The following IL20RB variants were observed in gnomAD, a reference collection of about 807,000 sequenced individuals.
IL20RB encodes the protein interleukin 20 receptor subunit beta.
In IL20RB, 21 loss-of-function variants were observed where a neutral mutation model predicts 33.3. That is an observed-to-expected ratio of 0.63 (90% CI 0.45 to 0.91). The LOEUF (loss-of-function observed/expected upper bound fraction) is 0.91, where lower values mean the gene tolerates loss of function less well. IL20RB is among the 40% of genes least tolerant of loss of function. The pLI is 0.00. For synonymous variants in IL20RB, 147 were observed against 146.8 expected (o/e 1.00, Z -0.01); for missense variants, 345 against 384.8 (o/e 0.90, Z 0.86).
intron 1 of IL20RB, among the ~76,000 whole-genome samples, chr3:136,972,830 T>A (rs1941522184): frequency 1.3e-5 from 2 of 152,078 alleles, no homozygotes. Flanking sequence ...TTTTTTCTCC[T>A]AATTTTGGGT....
rs1027803817 is a variant in IL20RB, at chr3:136,991,821, G to A, written c.532-117G>A. 17 of 951,190 alleles carry A rather than the reference G, an allele frequency of 1.8e-5. No homozygotes were observed. In the African/African-American group the frequency reaches 2.6e-4, roughly 15 times the overall value. 58.9% of individuals were successfully genotyped at this position (951,190 alleles called of 1,614,324 possible). On this transcript the variant is annotated intron_variant, in intron 4 of 6. Coordinates refer to ENST00000329582, the MANE Select transcript of IL20RB (RefSeq NM_144717.4). The stretch of plus-strand genomic sequence containing the variant: ...TGGGGTGTTTCACCATGTTGGTCAG[G>A]CTGGTCTTGAACTCCTGACCTCAGG...
intron 6 of IL20RB, among the ~76,000 whole-genome samples, chr3:137,006,482 T>C (rs938779557): frequency 1.3e-5 from 2 of 152,170 alleles, no homozygotes; most frequent in Admixed American, 1.3e-4. Flanking sequence ...AACTCTTTTT[T>C]CTCTAACCTT....
intron 4 of IL20RB, 115 bp downstream of exon 4, chr3:136,989,680 C>A: frequency 1.7e-6 from 2 of 1,183,138 alleles, no homozygotes; most frequent in Non-Finnish European, 2.4e-6. Context: ...ATGAGCAGTC[C>A]TGGGTGAAGT....
intron 6 of IL20RB, 74 bp from the exon 7 acceptor site, chr3:137,010,039 A>C (rs1933045287): frequency 2.6e-6 from 2 of 759,514 alleles, no homozygotes; most frequent in Non-Finnish European, 4.5e-6. Flanking sequence ...CAAATAGTTA[A>C]AAATGTAATA....
intron 6 of IL20RB, among the ~76,000 whole-genome samples, chr3:137,005,916 C>T (rs1406650763): frequency 1.3e-5 from 2 of 152,306 alleles, no homozygotes; most frequent in East Asian, 3.9e-4. Context: ...TTGTTCATCT[C>T]CATGTTTAGT....
chr3:136,982,377 C>T lies in IL20RB; in HGVS notation c.406+27C>T, dbSNP rs537803244. 9 of 1,490,480 alleles carry T rather than the reference C, an allele frequency of 6.0e-6. No homozygotes were observed. The African/African-American group carries it at 9.7e-5, about 16-fold the overall frequency. The allele number at this position is 1,490,480 out of a possible 1,614,324, so 92.3% of individuals were successfully genotyped here. A position where few individuals can be genotyped will look rare whatever the true frequency, so the allele number is the denominator to read the frequency against. On this transcript the variant is annotated intron_variant, in intron 3 of 6. Coordinates refer to ENST00000329582, the MANE Select transcript of IL20RB (RefSeq NM_144717.4). ...TAAGGCACTTCTCTCCTTACACTCC[C>T]ACCCCAACCAGCCCCTCCTTTAGGA...
At chr3:137,002,033 T>C (rs899224217) in intron 6 of IL20RB, among the ~76,000 whole-genome samples, 3 of 152,196 alleles carry the variant, frequency 2.0e-5, no homozygotes, top group African/African-American at 4.8e-5. Flanking sequence ...TGTTTGGTTT[T>C]CCGTCCTTGT....
At chr3:136,985,628 C>T (rs762230318) in intron 3 of IL20RB, among the ~76,000 whole-genome samples, 31 of 152,150 alleles carry the variant, frequency 2.0e-4, no homozygotes, top group Admixed American at 3.9e-4. Flanking sequence ...TGAGCCGCTA[C>T]GCCTGGCTGA....
intron 1 of IL20RB, among the ~76,000 whole-genome samples, chr3:136,967,434 C>T (rs1166089483): frequency 1.9e-5 from 1 of 53,686 alleles, no homozygotes; most frequent in African/African-American, 7.8e-5. Flanking sequence ...TGAATTGATC[C>T]CTTTACCATT....
At chr3:137,003,812 G>T (rs191564640) in intron 6 of IL20RB, among the ~76,000 whole-genome samples, 1 of 152,278 alleles carries the variant, frequency 6.6e-6, no homozygotes, top group Admixed American at 6.5e-5. Context: ...TGTTGAATAG[G>T]AGTGGTGAGA....
Position 136,987,989 on chromosome 3 carries a change from C to T in IL20RB, c.407-1452C>T, listed in dbSNP as rs571012259. ...CTCTCCCTCCACACCTCCCTGCAAG[C>T]TGAGGGAGCCGGCTCCAGTCTTGGC... On this transcript the variant is annotated intron_variant, in intron 3 of 6. Transcript: ENST00000329582. Among the ~76,000 whole-genome samples the T allele has an allele frequency of 2.6e-5, 4 of 152,342 alleles. No individual in the cohort carries two copies. In the East Asian group the frequency reaches 7.7e-4, roughly 29 times the overall value.
At chr3:136,987,963 C>T (rs1232193726) in intron 3 of IL20RB, among the ~76,000 whole-genome samples, 2 of 152,232 alleles carry the variant, frequency 1.3e-5, no homozygotes, top group Non-Finnish European at 2.9e-5. Flanking sequence ...CCAGCTCGCG[C>T]CTCTCCCTCC....
rs745732642 is a variant in IL20RB at position 136,982,224 on chromosome 3, G to A, written c.280G>A (p.Gly94Ser). Residue 94 changes from glycine to serine, a missense_variant, in exon 3 of 7, where the codon GGT (glycine) becomes AGT (serine). Gly to Ser is a moderately conservative substitution (Grantham distance 56, BLOSUM62 0). Coordinates refer to ENST00000329582, the MANE Select transcript of IL20RB (RefSeq NM_144717.4). ...CAGCAGCTGGTGCTCACTCACTGAA[G>A]GTCCTGAGTGTGATGTCACTGATGA... ...IPSSWCSLTE[G>S]PECDVTDDIT... 2 of 1,607,364 alleles carry A rather than the reference G, an allele frequency of 1.2e-6. No individual in the cohort carries two copies. The highest frequency in any genetic ancestry group is 2.2e-5 in the South Asian group (2 of 90,766).
intron 6 of IL20RB, among the ~76,000 whole-genome samples, chr3:136,999,616 T>C (rs1485579510): frequency 2.0e-5 from 3 of 151,778 alleles, no homozygotes; most frequent in Non-Finnish European, 4.4e-5. Context: ...CTTATTTATA[T>C]TAGACCTTCA....
At chr3:136,972,478 G>C (rs932217959) in intron 1 of IL20RB, among the ~76,000 whole-genome samples, 2 of 152,044 alleles carry the variant, frequency 1.3e-5, no homozygotes, top group Non-Finnish European at 2.9e-5. Context: ...ATTCAATCTT[G>C]CTACTCATTA....
chr3:137,001,677 T>C (rs1942245304), intron 6 of IL20RB, among the ~76,000 whole-genome samples: 1 of 152,210 alleles, frequency 6.6e-6, no homozygotes, highest in Non-Finnish European at 1.5e-5. Flanking sequence ...AAACATTTCA[T>C]GTCTACGTCT....
chr3:136,992,343 T>A (rs1216354822), intron 5 of IL20RB, among the ~76,000 whole-genome samples: 2 of 152,184 alleles, frequency 1.3e-5, no homozygotes, highest in Non-Finnish European at 2.9e-5. Context: ...TTCCTAGGCC[T>A]GGGGGCCAGG....
At chr3:136,990,093 TC>T (rs1216837558) in intron 4 of IL20RB, among the ~76,000 whole-genome samples, 1 of 151,674 alleles carries the variant, frequency 6.6e-6, no homozygotes, top group East Asian at 1.9e-4. Flanking sequence ...GGTGCTGCCC[TC>T]CCCATGGGAA....
chr3:136,998,135 T>C (rs947039515), intron 6 of IL20RB, among the ~76,000 whole-genome samples: 54 of 149,458 alleles, frequency 3.6e-4, no homozygotes, highest in East Asian at 2.5e-3. Flanking sequence ...TTTTCTTTTT[T>C]TTTTTTTTTT....
Sources: gnomAD v4.1 joint callset for allele counts (sites outside exome capture counted in the v4.1 genomes callset) on GRCh38, gnomAD v4.1.1 for gene constraint, MANE v1.5 for transcripts, NCBI Gene and HGNC (gene_info 2026-07-23, HGNC 2026-07-21) for gene names.